The following CCDC9B variants were observed in gnomAD, a reference collection of about 807,000 sequenced individuals.
The protein encoded by CCDC9B is coiled-coil domain containing 9B, also known as coiled-coil domain-containing protein 9B.
CCDC9B carries 40 observed loss-of-function variants against 47.2 expected under a neutral mutation model. The ratio of observed to expected loss-of-function variants is 0.85; its 90% CI spans 0.66 to 1.10. CCDC9B has a LOEUF of 1.10. CCDC9B is among the 50% of genes least tolerant of loss of function. CCDC9B has a pLI of 0.00. For missense variants in CCDC9B, 662 were observed against 651.0 expected (o/e 1.02, Z -0.18); for synonymous variants, 238 against 250.7 (o/e 0.95, Z 0.48).
rs745560829 is a variant in CCDC9B, at chr15:40,335,798, G to A, written c.916C>T (p.Leu306=). 1.9e-6 allele frequency: 3 copies of A among 1,611,476 alleles called. No individual in the cohort carries two copies. The highest frequency in any genetic ancestry group is 1.7e-6 in the Non-Finnish European group (2 of 1,178,880). ...CAAGTACCTACCTCCTGACCTTCCA[G>A]CTCCTCCTTGTCTTCCTTCATATCC... is the stretch of plus-strand genomic sequence containing the variant. The part of the protein sequence containing the change: ...RWDMKEDKEE[L]EGQEGSQSTR... Residue 306 remains leucine, a synonymous_variant, in exon 10 of 11, where the codon CTG becomes TTG. Coordinates refer to ENST00000397536, the MANE Select transcript of CCDC9B (RefSeq NM_207380.3).
chr15:40,340,118 G>A (rs533787204), intron 1 of CCDC9B, 103 bp from the exon 2 acceptor site: 2 of 693,622 alleles, frequency 2.9e-6, no homozygotes, highest in South Asian at 3.5e-5. Flanking sequence ...CAGACCCACA[G>A]CTAAGGTCAC....
rs1157504943 is a variant in CCDC9B at position 40,337,855 on chromosome 15, GGGCTCCCCCACCGGC to G, written c.537_551del (p.Val181_Pro185del). 5 of 1,607,918 alleles carry G rather than the reference GGGCTCCCCCACCGGC, an allele frequency of 3.1e-6. No homozygotes were observed. The South Asian group carries it at 4.4e-5, about 14-fold the overall frequency. On this transcript the variant is annotated inframe_deletion, in exon 6 of 11. Transcript: ENST00000397536. ...GGGCATAGTCCCAGCCCGCCTCCGG[GGGCTCCCCCACCGGC>G]CGGCTCCAGGGCTCCCAAGAACCCT... is the stretch of plus-strand genomic sequence containing the variant.
chr15:40,333,676 C>G lies in CCDC9B; in HGVS notation c.*1482G>C, dbSNP rs1422210998. The G allele has an allele frequency of 8.2e-6, 2 of 242,742 alleles. No individual in the cohort carries two copies. The highest frequency in any genetic ancestry group is 1.3e-5 in the Non-Finnish European group (2 of 152,272). The allele number at this position is 242,742 out of a possible 1,614,324, so 15.0% of individuals were successfully genotyped here. A position where few individuals can be genotyped will look rare whatever the true frequency, so the allele number is the denominator to read the frequency against. On this transcript the variant is annotated 3_prime_UTR_variant, in exon 11 of 11. Coordinates refer to ENST00000397536, the MANE Select transcript of CCDC9B (RefSeq NM_207380.3). ...GAGACACTTCTCAAAACAGTCTGGT[C>G]TGCTAAAGAGATGCCCCTCACCTTC...
rs1042396277 is a variant in CCDC9B at position 40,334,350 on chromosome 15, C to T, written c.*808G>A. On this transcript the variant is annotated 3_prime_UTR_variant, in exon 11 of 11. Coordinates refer to ENST00000397536, the MANE Select transcript of CCDC9B (RefSeq NM_207380.3). ...GCCTGGCCCTGGTGCTAGTGCAGGA[C>T]GGTGGGGAAAGAGGAAGTGGAAAGA... is the stretch of plus-strand genomic sequence containing the variant. 55 of 152,564 alleles carry T rather than the reference C, an allele frequency of 3.6e-4. No homozygotes were observed. Among genetic ancestry groups the T allele is most frequent in the Non-Finnish European group, 1.6e-4 (11 of 68,260 alleles). 9.5% of individuals were successfully genotyped at this position (152,564 alleles called of 1,614,324 possible).
Position 40,340,662 on chromosome 15 carries a change from A to C in CCDC9B, c.12+146T>G, listed in dbSNP as rs570048007. 2.0e-4 allele frequency: 140 copies of C among 712,864 alleles called. 1 individual carries two copies. In the African/African-American group the frequency reaches 2.1e-3, roughly 11 times the overall value. 44.2% of individuals were successfully genotyped at this position (712,864 alleles called of 1,614,324 possible). A position where few individuals can be genotyped will look rare whatever the true frequency, so the allele number is the denominator to read the frequency against. On this transcript the variant is annotated intron_variant, in intron 1 of 10. Coordinates refer to ENST00000397536, the MANE Select transcript of CCDC9B (RefSeq NM_207380.3). ...AGATTCCAGGTTCCTCTCTGTCTGGATGCAGGTTCTCTGTTGTGACCCTAG... is the reference window on the plus strand; with the variant it reads ...AGATTCCAGGTTCCTCTCTGTCTGGCTGCAGGTTCTCTGTTGTGACCCTAG...
rs916032838 is a variant in CCDC9B at position 40,335,433 on chromosome 15, C to T, written c.1198G>A (p.Gly400Arg). 2 of 1,611,350 alleles carry T rather than the reference C, an allele frequency of 1.2e-6. No homozygotes were observed. Among genetic ancestry groups the T allele is most frequent in the African/African-American group, 2.7e-5 (2 of 74,998 alleles). ...CAAGACACAGGGCTCTCCTGGGCCCCAGGCCTCAGACCGAGCACACACCCG... is the reference window on the plus strand; with the variant it reads ...CAAGACACAGGGCTCTCCTGGGCCCTAGGCCTCAGACCGAGCACACACCCG... Reference protein sequence around the residue: ...ESGCVLGLRPGAQESPVSWPE... With the variant: ...ESGCVLGLRPRAQESPVSWPE... The change falls in exon 11 of 11, where the codon GGG becomes AGG. Residue 400 changes from glycine (G) to arginine (R), a missense_variant. Transcript: ENST00000397536.
Position 40,339,929 on chromosome 15 carries a change from G to A in CCDC9B, c.99C>T (p.Asn33=). Reference sequence around the variant, plus strand: ...CCTGGTACCTGCGGAGCAAGGCCTGGTTCTTCTTGCGCAGGGCAACTATCC... The same window carrying A: ...CCTGGTACCTGCGGAGCAAGGCCTGATTCTTCTTGCGCAGGGCAACTATCC... ...DRRIVALRKK[N]QALLRRYQEI... The change falls in exon 2 of 11, where the codon AAC becomes AAT. Residue 33 remains asparagine, a synonymous_variant. Coordinates refer to ENST00000397536, the MANE Select transcript of CCDC9B (RefSeq NM_207380.3). The A allele has an allele frequency of 6.2e-7, 1 of 1,613,632 alleles. No individual in the cohort carries two copies. The highest frequency in any genetic ancestry group is 8.5e-7 in the Non-Finnish European group (1 of 1,179,656).
chr15:40,339,685 T>C, intron 2 of CCDC9B, 66 bp from the exon 3 acceptor site: 2 of 1,600,942 alleles, frequency 1.2e-6, no homozygotes, highest in African/African-American at 1.3e-5. Context: ...TAGATGCTGA[T>C]AGGCCTACAC....
In CCDC9B at chr15:40,338,598, A is replaced by C. The variant is rs1339178427; in HGVS notation, c.450T>G (p.Pro150=). ...RARNQGIEGS[P]GGRVTRSPPT... ...GGGGGCTTCGGGTCACACGCCCTCC[A>C]GGTGACCCCTCTATGCCTTGGTTCC... The change falls in exon 5 of 11, where the codon CCT becomes CCG. Residue 150 remains proline (P), a synonymous_variant. Transcript: ENST00000397536. The C allele has an allele frequency of 6.2e-7, 1 of 1,613,958 alleles. No homozygotes were observed. Among genetic ancestry groups the C allele is most frequent in the Non-Finnish European group, 8.5e-7 (1 of 1,179,960 alleles).
intron 5 of CCDC9B, 91 bp downstream of exon 5, chr15:40,338,444 C>A: frequency 6.8e-7 from 1 of 1,462,738 alleles, no homozygotes. Flanking sequence ...GCCACGTCCC[C>A]GCAAATGAGG....
rs558204056 is a variant in CCDC9B at position 40,335,255 on chromosome 15, G to A, written c.1376C>T (p.Pro459Leu). 2.5e-5 allele frequency: 40 copies of A among 1,596,362 alleles called. No individual in the cohort carries two copies. The East Asian group carries it at 2.9e-4, about 12-fold the overall frequency. ...GKSGAQQGLA[P>L]RSRPTRGGSQ... ...GCCTCCTCTCGTGGGCCGGCTTCTC[G>A]GGGCCAGGCCCTGCTGGGCCCCAGA... The change falls in exon 11 of 11, where the codon CCG (proline) becomes CTG (leucine). Residue 459 changes from proline to leucine, a missense_variant. By Grantham distance (98) the Pro-to-Leu change is moderately conservative. Transcript: ENST00000397536.
intron 7 of CCDC9B, chr15:40,337,168 G>A: frequency 1.5e-6 from 1 of 675,162 alleles, no homozygotes; most frequent in South Asian, 1.7e-5. Context: ...CTCCTTCTGG[G>A]GCCTTCTGCT....
chr15:40,337,831 G>C lies in CCDC9B; in HGVS notation c.576C>G (p.Ala192=), dbSNP rs746740166. 4 of 1,610,696 alleles carry C rather than the reference G, an allele frequency of 2.5e-6. No individual in the cohort carries two copies. Among genetic ancestry groups the C allele is most frequent in the Non-Finnish European group, 3.4e-6 (4 of 1,179,682 alleles). The stretch of plus-strand genomic sequence containing the variant: ...TCTGCTCCCGCTCCTGCTTCCACTG[G>C]GCATAGTCCCAGCCCGCCTCCGGGG... The part of the protein sequence containing the change: ...GEPPEAGWDY[A]QWKQEREQID... The change falls in exon 6 of 11, where the codon GCC becomes GCG. Residue 192 remains alanine, a synonymous_variant. Coordinates refer to ENST00000397536, the MANE Select transcript of CCDC9B (RefSeq NM_207380.3).
At position 40,335,077 on chromosome 15, in the gene CCDC9B, A is replaced by ACGGCAACCTCTCGACCTT; in HGVS notation, c.*80_*81insAAGGTCGAGAGGTTGCCG. 7.5e-7 allele frequency: 1 copy of ACGGCAACCTCTCGACCTT among 1,326,228 alleles called. No individual in the cohort carries two copies. Among genetic ancestry groups the ACGGCAACCTCTCGACCTT allele is most frequent in the Non-Finnish European group, 1.0e-6 (1 of 990,828 alleles). 82.2% of individuals were successfully genotyped at this position (1,326,228 alleles called of 1,614,324 possible). ...AATGGCGCAAGCCACCGGCAACCAC[A>ACGGCAACCTCTCGACCTT]TGGCCATCACGCGGAGGGCCTTTAA... is the stretch of plus-strand genomic sequence containing the variant. On this transcript the variant is annotated 3_prime_UTR_variant, in exon 11 of 11. Coordinates refer to ENST00000397536, the MANE Select transcript of CCDC9B (RefSeq NM_207380.3).
At position 40,336,846 on chromosome 15, in the gene CCDC9B, G is replaced by A. The variant is rs755023679; in HGVS notation, c.743-33C>T. ...GGACAAAAGAAGTGGGGAAAGGTGGGGTGACAAAGGATCCAAAACAGGAAC... is the reference window on the plus strand; with the variant it reads ...GGACAAAAGAAGTGGGGAAAGGTGGAGTGACAAAGGATCCAAAACAGGAAC... On this transcript the variant is annotated intron_variant, in intron 7 of 10. Transcript: ENST00000397536. 13 of 1,574,544 alleles carry A rather than the reference G, an allele frequency of 8.3e-6. No homozygotes were observed. In the Admixed American group the frequency reaches 2.6e-4, roughly 31 times the overall value.
Position 40,337,709 on chromosome 15 carries a change from A to G in CCDC9B, c.683+15T>C. 1 of 1,580,486 alleles carries G rather than the reference A, an allele frequency of 6.3e-7. No homozygotes were observed. ...ATCCCGCACCACAGGCAACCTGCCCAACCCAGCCACCCACGTGGACTTGGC... is the reference window on the plus strand; with the variant it reads ...ATCCCGCACCACAGGCAACCTGCCCGACCCAGCCACCCACGTGGACTTGGC... On this transcript the variant is annotated intron_variant, in intron 6 of 10. Transcript: ENST00000397536.
In CCDC9B at chr15:40,333,472, G is replaced by C. The variant is rs1352396951; in HGVS notation, c.*1686C>G. ...TCCCGGCTACTCAAGAGGTTGATGT[G>C]AGAGGATCGCCTGAGCCTGGAGGGT... On this transcript the variant is annotated 3_prime_UTR_variant, in exon 11 of 11. Transcript: ENST00000397536. The C allele has an allele frequency of 6.6e-6, 1 of 150,780 alleles. No individual in the cohort carries two copies. Among genetic ancestry groups the C allele is most frequent in the African/African-American group, 2.4e-5 (1 of 40,828 alleles). 9.3% of individuals were successfully genotyped at this position (150,780 alleles called of 1,614,324 possible).
chr15:40,339,695 C>T, intron 2 of CCDC9B, 76 bp from the exon 3 acceptor site: 3 of 1,590,164 alleles, frequency 1.9e-6, no homozygotes, highest in Non-Finnish European at 2.6e-6. Flanking sequence ...TAGGCCTACA[C>T]AGAGAGACAC....
intron 1 of CCDC9B, chr15:40,340,315 G>C: frequency 2.4e-6 from 1 of 420,588 alleles, no homozygotes; most frequent in Non-Finnish European, 4.2e-6. Flanking sequence ...CTGCCGAGCA[G>C]AGCCTGGAAT....
Sources: gnomAD v4.1 joint callset for allele counts on GRCh38, gnomAD v4.1.1 for gene constraint, MANE v1.5 for transcripts, NCBI Gene and HGNC (gene_info 2026-07-23, HGNC 2026-07-21) for gene names.